REEP3: variants seen among roughly 807,000 people sequenced by gnomAD.
REEP3 encodes the protein receptor expression-enhancing protein 3.
REEP3 carries 20 observed loss-of-function variants against 41.3 expected under a neutral mutation model. The observed-to-expected ratio is 0.48, with a 90% CI of 0.34 to 0.70. The LOEUF (loss-of-function observed/expected upper bound fraction) is 0.70, where lower values mean the gene tolerates loss of function less well. Among genes scored for constraint, REEP3 ranks in the 30% least tolerant of loss-of-function variants. The probability of loss-of-function intolerance (pLI) is 0.01; values close to 1 mark genes in which losing one functional copy is unlikely to be tolerated. For missense variants in REEP3, 271 were observed against 308.8 expected, an observed-to-expected ratio of 0.88 and a Z score of 0.92; for synonymous variants, 104 against 101.8, an observed-to-expected ratio of 1.02 and a Z score of -0.13.
At position 63,550,557 on chromosome 10, in the gene REEP3, T is replaced by C. The variant is rs563059194; in HGVS notation, c.33-15781T>C. ...TAGGTAGGGGTGGGGATAAGTTAAATTGAAAAGCCCCAAGTACTAAAAATC... is the reference window on the plus strand; with the variant it reads ...TAGGTAGGGGTGGGGATAAGTTAAACTGAAAAGCCCCAAGTACTAAAAATC... On this transcript the variant is annotated intron_variant, in intron 1 of 7. Transcript: ENST00000373758. Among the ~76,000 whole-genome samples, 4 of 152,250 alleles carry C rather than the reference T, an allele frequency of 2.6e-5. No individual in the cohort carries two copies. The East Asian group carries it at 5.8e-4, about 22-fold the overall frequency.
intron 2 of REEP3, among the ~76,000 whole-genome samples, chr10:63,566,785 G>A (rs905908990): frequency 2.6e-5 from 4 of 152,052 alleles, no homozygotes; most frequent in African/African-American, 9.7e-5. Context: ...TTCCTCTTCT[G>A]TAGGTGTTTC....
Position 63,623,380 on chromosome 10 carries a change from T to TC in REEP3, c.*2512dup, listed in dbSNP as rs1355254960. The TC allele has an allele frequency of 6.6e-6, 1 of 152,186 alleles. No homozygotes were observed. Among genetic ancestry groups the TC allele is most frequent in the African/African-American group, 2.4e-5 (1 of 41,444 alleles). The allele number at this position is 152,186 out of a possible 1,614,324, so 9.4% of individuals were successfully genotyped here. On this transcript the variant is annotated 3_prime_UTR_variant, in exon 8 of 8. Coordinates refer to ENST00000373758, the MANE Select transcript of REEP3 (RefSeq NM_001001330.3). Reference sequence around the variant, plus strand: ...AAGGTAGAACAGATCTTTTTTTGTTTCTCCTTTTAAGTCTACTGGTTTTAA... The same window carrying TC: ...AAGGTAGAACAGATCTTTTTTTGTTTCCTCCTTTTAAGTCTACTGGTTTTAA...
intron 1 of REEP3, among the ~76,000 whole-genome samples, chr10:63,560,263 T>A (rs987216495): frequency 6.6e-6 from 1 of 152,142 alleles, no homozygotes; most frequent in Admixed American, 6.5e-5. Flanking sequence ...ACAGATTAAA[T>A]CCTTGATATT....
At chr10:63,582,006 C>T (rs1955958737) in intron 2 of REEP3, among the ~76,000 whole-genome samples, 3 of 152,022 alleles carry the variant, frequency 2.0e-5, no homozygotes, top group Admixed American at 6.6e-5. Flanking sequence ...TTTCTCTAAA[C>T]CCAAGGCTCT....
intron 2 of REEP3, among the ~76,000 whole-genome samples, chr10:63,584,445 A>AAAC (rs1315780372): frequency 1.3e-5 from 2 of 151,522 alleles, no homozygotes; most frequent in African/African-American, 4.8e-5. Context: ...AAAAAAAAAA[A>AAAC]AAAAACTATT....
At position 63,521,426 on chromosome 10, in the gene REEP3, C is replaced by A. The variant is rs1955234842; in HGVS notation, c.-120C>A. Reference sequence around the variant, plus strand: ...ACACACCGGGCCCGGCTCCTGAGGGCGCCAGCGCGGCCCCGGGGAGCGCGA... The same window carrying A: ...ACACACCGGGCCCGGCTCCTGAGGGAGCCAGCGCGGCCCCGGGGAGCGCGA... On this transcript the variant is annotated 5_prime_UTR_variant, in exon 1 of 8. Transcript: ENST00000373758. 2 of 383,660 alleles carry A rather than the reference C, an allele frequency of 5.2e-6. No individual in the cohort carries two copies. Among genetic ancestry groups the A allele is most frequent in the Non-Finnish European group, 7.6e-6 (2 of 262,742 alleles). 23.8% of individuals were successfully genotyped at this position (383,660 alleles called of 1,614,324 possible). A position where few individuals can be genotyped will look rare whatever the true frequency, so the allele number is the denominator to read the frequency against.
At chr10:63,573,584 A>T (rs1280053319) in intron 2 of REEP3, among the ~76,000 whole-genome samples, 2 of 152,232 alleles carry the variant, frequency 1.3e-5, no homozygotes, top group Non-Finnish European at 2.9e-5. Flanking sequence ...TTACTCTCTA[A>T]AAGGCCTAGA....
chr10:63,595,391 C>T (rs1325633444), intron 3 of REEP3, among the ~76,000 whole-genome samples: 1 of 152,176 alleles, frequency 6.6e-6, no homozygotes, highest in Non-Finnish European at 1.5e-5. Flanking sequence ...TACCAAGGAG[C>T]AGTACTTAAC....
chr10:63,623,753 ATATGTGTGTGTGTGTG>A lies in REEP3; in HGVS notation c.*2886_*2901del, dbSNP rs1956373250. 1 of 110,176 alleles carries A rather than the reference ATATGTGTGTGTGTGTG, an allele frequency of 9.1e-6. No homozygotes were observed. The highest frequency in any genetic ancestry group is 3.5e-5 in the African/African-American group (1 of 28,850). The allele number at this position is 110,176 out of a possible 1,614,324, so 6.8% of individuals were successfully genotyped here. A position where few individuals can be genotyped will look rare whatever the true frequency, so the allele number is the denominator to read the frequency against. On this transcript the variant is annotated 3_prime_UTR_variant, in exon 8 of 8. Coordinates refer to ENST00000373758, the MANE Select transcript of REEP3 (RefSeq NM_001001330.3). ...ATCCCCCTCACATACTTCACAATAT[ATATGTGTGTGTGTGTG>A]TGTGTGTGTGTGTGTGTGTGTGTGT...
At chr10:63,523,212 TC>T (rs1564988380) in intron 1 of REEP3, among the ~76,000 whole-genome samples, 1 of 152,200 alleles carries the variant, frequency 6.6e-6, no homozygotes, top group African/African-American at 2.4e-5. Flanking sequence ...TGCACAGATA[TC>T]TGCAGTACAG....
chr10:63,565,116 C>G (rs778184605), intron 1 of REEP3, among the ~76,000 whole-genome samples: 2 of 151,964 alleles, frequency 1.3e-5, no homozygotes, highest in Non-Finnish European at 2.9e-5. Flanking sequence ...AAAAATTAGC[C>G]GGGCATAGTG....
chr10:63,562,433 T>A (rs917562740), intron 1 of REEP3: 9 of 387,590 alleles, frequency 2.3e-5, no homozygotes, highest in African/African-American at 1.7e-4. Context: ...ATTTTTGTAT[T>A]TTTAGTAGAG....
chr10:63,624,090 T>A lies in REEP3; in HGVS notation c.*3221T>A, dbSNP rs1359845354. ...TTACATTAAGCATGAGTCTAATTTG[T>A]ATTAATTGGGATGGACTAAATTTTC... On this transcript the variant is annotated 3_prime_UTR_variant, in exon 8 of 8. Transcript: ENST00000373758. 1 of 152,130 alleles carries A rather than the reference T, an allele frequency of 6.6e-6. No individual in the cohort carries two copies. Among genetic ancestry groups the A allele is most frequent in the Admixed American group, 6.5e-5 (1 of 15,276 alleles). 9.4% of individuals were successfully genotyped at this position (152,130 alleles called of 1,614,324 possible). A position where few individuals can be genotyped will look rare whatever the true frequency, so the allele number is the denominator to read the frequency against.
intron 1 of REEP3, among the ~76,000 whole-genome samples, chr10:63,528,819 C>T (rs1262533409): frequency 3.9e-5 from 6 of 152,174 alleles, no homozygotes; most frequent in Non-Finnish European, 8.8e-5. Context: ...CCCACAGATA[C>T]CCTCCTGCCT....
intron 1 of REEP3, among the ~76,000 whole-genome samples, chr10:63,559,998 C>T (rs972893593): frequency 3.9e-5 from 6 of 151,922 alleles, no homozygotes; most frequent in Non-Finnish European, 7.4e-5. Context: ...TCTCTATATG[C>T]TCTAAGGTGT....
intron 1 of REEP3, among the ~76,000 whole-genome samples, chr10:63,557,374 A>G (rs566271655): frequency 3.9e-5 from 6 of 152,146 alleles, no homozygotes; most frequent in South Asian, 4.1e-4. Context: ...GTTTTTGACT[A>G]TTTCCCTTTG....
chr10:63,566,298 T>C (rs1955798111), intron 1 of REEP3, 40 bp from the exon 2 acceptor site: 3 of 1,139,250 alleles, frequency 2.6e-6, no homozygotes, highest in East Asian at 5.2e-5. Context: ...TTTAAAACAT[T>C]GTTGTGTTTG....
intron 5 of REEP3, among the ~76,000 whole-genome samples, chr10:63,601,084 G>A (rs1956168071): frequency 6.6e-6 from 1 of 151,892 alleles, no homozygotes; most frequent in Non-Finnish European, 1.5e-5. Context: ...AACCCGGGAG[G>A]CGGAGGCTGC....
intron 1 of REEP3, among the ~76,000 whole-genome samples, chr10:63,534,309 G>T (rs1955454779): frequency 6.6e-6 from 1 of 151,796 alleles, no homozygotes; most frequent in Admixed American, 6.6e-5. Flanking sequence ...AGAGTGCAGT[G>T]GCACAGTCAT....
Sources: allele counts gnomAD v4.1 joint callset (sites outside exome capture counted in the v4.1 genomes callset), GRCh38; gene constraint gnomAD v4.1.1; transcripts MANE v1.5; gene names NCBI Gene and HGNC (gene_info 2026-07-23, HGNC 2026-07-21).